INPP4A: variants seen among roughly 807,000 people sequenced by gnomAD.
The protein encoded by INPP4A is inositol polyphosphate-4-phosphatase type I A, also known as inositol polyphosphate-4-phosphatase, type I, 107kD.
Under a neutral mutation model 119.8 loss-of-function variants are expected in INPP4A, and 33 were observed. That is an observed-to-expected ratio of 0.28 (90% CI 0.21 to 0.37). The LOEUF (loss-of-function observed/expected upper bound fraction) is 0.37. Ranked by LOEUF, INPP4A falls within the 10% of genes least tolerant of loss-of-function variation. The probability of loss-of-function intolerance (pLI) is 1.00; values close to 1 mark genes in which losing one functional copy is unlikely to be tolerated. For synonymous variants in INPP4A, 496 were observed against 500.7 expected, an observed-to-expected ratio of 0.99 and a Z score of 0.12; for missense variants, 956 against 1,289.9, an observed-to-expected ratio of 0.74 and a Z score of 3.97.
At chr2:98,578,356 G>T (rs768493558) in intron 24 of INPP4A, among the ~76,000 whole-genome samples, 1 of 152,234 alleles carries the variant, frequency 6.6e-6, no homozygotes, top group Non-Finnish European at 1.5e-5. Context: ...ACCTCAGCCA[G>T]TGAAGAAAGG....
intron 1 of INPP4A, among the ~76,000 whole-genome samples, chr2:98,469,524 C>T (rs564231694): frequency 1.4e-5 from 2 of 146,740 alleles, no homozygotes; most frequent in South Asian, 2.2e-4. Context: ...GAACTTGGGC[C>T]GGGTGCGGTG....
At chr2:98,573,539 C>G (rs1259199063) in intron 23 of INPP4A, among the ~76,000 whole-genome samples, 1 of 152,198 alleles carries the variant, frequency 6.6e-6, no homozygotes, top group Non-Finnish European at 1.5e-5. Flanking sequence ...CGCTCCCTGC[C>G]TGGGCCTGAG....
chr2:98,573,423 C>G (rs1264254304), intron 23 of INPP4A, among the ~76,000 whole-genome samples: 4 of 152,236 alleles, frequency 2.6e-5, no homozygotes, highest in African/African-American at 9.6e-5. Flanking sequence ...AATTTCATAG[C>G]TGGTCATTCA....
rs778999127 is a variant in INPP4A at position 98,581,745 on chromosome 2, C to G, written c.2786+4602C>G. On this transcript the variant is annotated intron_variant, in intron 24 of 24. Coordinates refer to ENST00000409851, the MANE Select transcript of INPP4A (RefSeq NM_001134225.2). ...CATAGCATACCTGGTGACCAAATTG[C>G]GTTGCAAATGAATATCATTATGAAA... 3 of 1,606,960 alleles carry G rather than the reference C, an allele frequency of 1.9e-6. No homozygotes were observed. The South Asian group carries it at 3.4e-5, about 18-fold the overall frequency.
chr2:98,504,611 C>G (rs960978486), intron 1 of INPP4A, among the ~76,000 whole-genome samples: 1 of 152,174 alleles, frequency 6.6e-6, no homozygotes, highest in Non-Finnish European at 1.5e-5. Flanking sequence ...CATTGTCTTC[C>G]CGGCATTTCA....
intron 13 of INPP4A, among the ~76,000 whole-genome samples, chr2:98,547,343 A>G (rs934520300): frequency 7.9e-5 from 12 of 152,176 alleles, no homozygotes; most frequent in Non-Finnish European, 1.6e-4. Flanking sequence ...GGAGTAGACA[A>G]GTCAGCAAGC....
In INPP4A at chr2:98,563,629, T is replaced by G; in HGVS notation, c.2020T>G (p.Cys674Gly). The G allele has an allele frequency of 6.2e-7, 1 of 1,612,496 alleles. No homozygotes were observed. The highest frequency in any genetic ancestry group is 8.5e-7 in the Non-Finnish European group (1 of 1,179,816). The change falls in exon 18 of 25, where the codon TGC becomes GGC. Residue 674 changes from cysteine to glycine, a missense_variant. Around this residue, in one of 2 missense-constraint regions of INPP4A, gnomAD observed 304 missense variants for 492.1 expected, o/e 0.62. Coordinates refer to ENST00000409851, the MANE Select transcript of INPP4A (RefSeq NM_001134225.2). ...GCAGTACCGCCGTGACGTGGTCTTC[T>G]GCCAGACGGTAGGCCCCGGGAGCAC... ...SLQYRRDVVF[C>G]QTLTALICGF...
Position 98,545,502 on chromosome 2 carries a change from G to C in INPP4A, c.950-467G>C, listed in dbSNP as rs184528235. On this transcript the variant is annotated intron_variant, in intron 11 of 24. Transcript: ENST00000409851. ...ATGAGAAGGCCTCTTCATCACTTTC[G>C]AGAGTTGAGATGTATTGCTCTAGCC... Among the ~76,000 whole-genome samples, 3 of 152,214 alleles carry C rather than the reference G, an allele frequency of 2.0e-5. No homozygotes were observed. The East Asian group carries it at 5.8e-4, about 29-fold the overall frequency.
rs145406691 is a variant in INPP4A, at chr2:98,555,588, G to A, written c.1602G>A (p.Glu534=). 18 of 1,613,374 alleles carry A rather than the reference G, an allele frequency of 1.1e-5. No homozygotes were observed. The highest frequency in any genetic ancestry group is 1.3e-5 in the African/African-American group (1 of 75,052). ...GGCTGAACGTGGACAAGAGCCTAGA[G>A]TGCATCATTCAGCGTGTGGACAAGC... is the stretch of plus-strand genomic sequence containing the variant. ...KVWLNVDKSL[E]CIIQRVDKLL... is the part of the protein sequence containing the mutation. Residue 534 remains glutamate (E), a synonymous_variant, in exon 16 of 25, where the codon GAG becomes GAA. Coordinates refer to ENST00000409851, the MANE Select transcript of INPP4A (RefSeq NM_001134225.2).
In INPP4A at chr2:98,547,910, T is replaced by C. The variant is rs534748602; in HGVS notation, c.1163+1216T>C. On this transcript the variant is annotated intron_variant, in intron 13 of 24. Coordinates refer to ENST00000409851, the MANE Select transcript of INPP4A (RefSeq NM_001134225.2). ...AAGCATGGAACAGCGTGAGGGAAGG[T>C]GAGCAAAGGCCCAGGGAGCGTCACA... Among the ~76,000 whole-genome samples, 3 of 151,970 alleles carry C rather than the reference T, an allele frequency of 2.0e-5. No homozygotes were observed. The South Asian group carries it at 6.2e-4, about 32-fold the overall frequency.
At chr2:98,519,179 T>G (rs1490975759) in intron 2 of INPP4A, 154 bp downstream of exon 2, 1 of 152,264 alleles carries the variant, frequency 6.6e-6, no homozygotes, top group Non-Finnish European at 1.5e-5. Flanking sequence ...TCTAATTATC[T>G]TAACTTGTAA....
intron 24 of INPP4A, among the ~76,000 whole-genome samples, chr2:98,582,833 TCAGA>T (rs1699513817): frequency 6.9e-6 from 1 of 144,986 alleles, no homozygotes; most frequent in Non-Finnish European, 1.5e-5. Context: ...AGTGCATAAG[TCAGA>T]CACAGAAAGA....
chr2:98,501,368 C>T (rs1222181524), intron 1 of INPP4A, among the ~76,000 whole-genome samples: 1 of 152,128 alleles, frequency 6.6e-6, no homozygotes, highest in Non-Finnish European at 1.5e-5. Context: ...AACCTGTGGA[C>T]CACAGTACAA....
chr2:98,528,028 C>A (rs1313538352), intron 4 of INPP4A, among the ~76,000 whole-genome samples: 3 of 152,104 alleles, frequency 2.0e-5, no homozygotes, highest in Non-Finnish European at 4.4e-5. Context: ...ATGGAAAAAA[C>A]CCATACAGTC....
intron 4 of INPP4A, among the ~76,000 whole-genome samples, chr2:98,527,011 C>T (rs1688307900): frequency 6.6e-6 from 1 of 152,180 alleles, no homozygotes; most frequent in Non-Finnish European, 1.5e-5. Context: ...GCCCTACCTC[C>T]AATACTGGGG....
chr2:98,502,924 T>G (rs1176653769), intron 1 of INPP4A, among the ~76,000 whole-genome samples: 2 of 152,204 alleles, frequency 1.3e-5, no homozygotes, highest in Non-Finnish European at 2.9e-5. Flanking sequence ...GATTTTATTT[T>G]ATATTTGCAG....
chr2:98,483,682 C>T (rs1391362086), intron 1 of INPP4A, among the ~76,000 whole-genome samples: 1 of 152,198 alleles, frequency 6.6e-6, no homozygotes, highest in Non-Finnish European at 1.5e-5. Flanking sequence ...TACTTCTGAG[C>T]CCTGCCTAAA....
chr2:98,532,524 C>T (rs570330347), intron 4 of INPP4A, among the ~76,000 whole-genome samples: 12 of 152,200 alleles, frequency 7.9e-5, no homozygotes, highest in African/African-American at 2.6e-4. Context: ...TCAAATGTGT[C>T]ATTAGGTGAT....
At position 98,519,953 on chromosome 2, in the gene INPP4A, G is replaced by A; in HGVS notation, c.-96G>A. On this transcript the variant is annotated 5_prime_UTR_variant, in exon 3 of 25. Transcript: ENST00000409851. ...AAGTGCTCCTTTTCTCAGGGCTACT[G>A]CCACTTTAGTGGACTAGGGCTCGGT... 1 of 913,794 alleles carries A rather than the reference G, an allele frequency of 1.1e-6. No individual in the cohort carries two copies. The highest frequency in any genetic ancestry group is 1.4e-5 in the South Asian group (1 of 70,346). The allele number at this position is 913,794 out of a possible 1,614,324, so 56.6% of individuals were successfully genotyped here.
Sources: allele counts gnomAD v4.1 joint callset (sites outside exome capture counted in the v4.1 genomes callset), GRCh38; gene constraint gnomAD v4.1.1; regional missense constraint gnomAD v4.1.1; transcripts MANE v1.5; gene names NCBI Gene and HGNC (gene_info 2026-07-23, HGNC 2026-07-21).